CELF2: variants seen among roughly 807,000 people sequenced by gnomAD.
CELF2 encodes the protein CUG triplet repeat RNA-binding protein 2.
CELF2 carries 8 observed loss-of-function variants against 62.6 expected under a neutral mutation model. The observed-to-expected ratio is 0.13, with a 90% confidence interval of 0.07 to 0.23. The LOEUF (loss-of-function observed/expected upper bound fraction) is 0.23. CELF2 is among the 10% of genes least tolerant of loss of function. CELF2 has a pLI of 1.00. For synonymous variants in CELF2, 258 were observed against 250.0 expected, an observed-to-expected ratio of 1.03 and a Z score of -0.30; for missense variants, 333 against 671.0, an observed-to-expected ratio of 0.50 and a Z score of 5.56.
At chr10:11,053,470 G>A (rs1454355104) in intron 1 of CELF2, among the ~76,000 whole-genome samples, 1 of 151,912 alleles carries the variant, frequency 6.6e-6, no homozygotes, top group African/African-American at 2.4e-5. Flanking sequence ...GGATTAGGGG[G>A]AAATACTTTT....
intron 2 of CELF2, among the ~76,000 whole-genome samples, chr10:10,920,935 C>T (rs900528063): frequency 6.6e-6 from 1 of 151,978 alleles, no homozygotes; most frequent in African/African-American, 2.4e-5. Context: ...AAGGATTGTG[C>T]CTTTGTTTTG....
intron 3 of CELF2, among the ~76,000 whole-genome samples, chr10:11,230,159 C>T (rs2068110959): frequency 6.6e-6 from 1 of 152,178 alleles, no homozygotes; most frequent in Non-Finnish European, 1.5e-5. Context: ...CCAGGACCTG[C>T]ATTTGAACTA....
intron 1 of CELF2, among the ~76,000 whole-genome samples, chr10:11,020,415 T>G (rs1163302978): frequency 6.6e-6 from 1 of 152,142 alleles, no homozygotes; most frequent in Non-Finnish European, 1.5e-5. Context: ...ATACTGTATC[T>G]GGGGATAGAG....
the CELF2 span, among the ~76,000 whole-genome samples, chr10:10,541,221 C>G: frequency 8.1e-6 from 1 of 123,946 alleles, no homozygotes; most frequent in African/African-American, 3.1e-5. Context: ...CCAGGCTGGG[C>G]GACAGAATGA....
chr10:10,916,948 T>TA (rs1360398730), intron 1 of CELF2, among the ~76,000 whole-genome samples: 1 of 151,348 alleles, frequency 6.6e-6, no homozygotes, highest in Admixed American at 6.6e-5. Context: ...TTTTTTTTTT[T>TA]AAGGAAAAAG....
chr10:11,059,113 C>T (rs937793515), intron 1 of CELF2, among the ~76,000 whole-genome samples: 1 of 152,162 alleles, frequency 6.6e-6, no homozygotes, highest in Non-Finnish European at 1.5e-5. Flanking sequence ...AAGGAACAGA[C>T]ATGGTTAACA....
the CELF2 span, among the ~76,000 whole-genome samples, chr10:10,723,557 T>C: frequency 1.4e-4 from 22 of 152,228 alleles, no homozygotes; most frequent in Non-Finnish European, 2.9e-4. Context: ...TGAATCCATT[T>C]TTTGAATCTT....
chr10:10,808,083 G>C (rs976790011), intron 1 of CELF2, among the ~76,000 whole-genome samples: 1 of 152,166 alleles, frequency 6.6e-6, no homozygotes, highest in African/African-American at 2.4e-5. Flanking sequence ...CATGGTTAAA[G>C]ATCTGATGGG....
At chr10:10,480,393 G>A in the CELF2 span, among the ~76,000 whole-genome samples, 1 of 152,050 alleles carries the variant, frequency 6.6e-6, no homozygotes, top group Admixed American at 6.5e-5. Context: ...TCTTTTCTCT[G>A]CACGCAGCTA....
intron 2 of CELF2, chr10:10,946,493 T>C (rs943348881): frequency 2.0e-5 from 3 of 152,644 alleles, no homozygotes; most frequent in South Asian, 2.1e-4. Flanking sequence ...AAAAATGTAC[T>C]GTATATGATA....
intron 1 of CELF2, among the ~76,000 whole-genome samples, chr10:11,114,692 A>C (rs1404027456): frequency 3.3e-5 from 5 of 152,240 alleles, no homozygotes; most frequent in Non-Finnish European, 1.5e-5. Context: ...GGTTGGCCAC[A>C]GCACTTTAGT....
intron 8 of CELF2, among the ~76,000 whole-genome samples, chr10:11,276,822 A>G (rs964614845): frequency 2.0e-5 from 3 of 152,250 alleles, no homozygotes; most frequent in Non-Finnish European, 4.4e-5. Context: ...CGCACCAGCC[A>G]CAGGTCAGGA....
the CELF2 span, among the ~76,000 whole-genome samples, chr10:10,711,581 C>A: frequency 3.9e-5 from 6 of 152,108 alleles, no homozygotes; most frequent in Non-Finnish European, 7.3e-5. Flanking sequence ...CCACATGCAC[C>A]ATGAAAATAG....
the CELF2 span, among the ~76,000 whole-genome samples, chr10:10,563,998 T>A: frequency 1.3e-5 from 2 of 152,236 alleles, no homozygotes; most frequent in Non-Finnish European, 2.9e-5. Context: ...ATGCTATGCA[T>A]CTTCGGTGTT....
rs147468779 is a variant in CELF2 at position 11,031,764 on chromosome 10, C to A, written c.74+13601C>A. On this transcript the variant is annotated intron_variant, in intron 1 of 12. Coordinates refer to ENST00000633077, the MANE Select transcript of CELF2 (RefSeq NM_001326342.2). The stretch of plus-strand genomic sequence containing the variant: ...CCAAAGAATGGAATGTATATTCACT[C>A]CACCCTCATTATAAGGCTTTCAGAA... Among the ~76,000 whole-genome samples the A allele has an allele frequency of 5.9e-4, 90 of 152,268 alleles. 1 individual carries two copies. Among genetic ancestry groups the A allele is most frequent in the Non-Finnish European group, 1.1e-3 (76 of 68,018 alleles).
At chr10:10,547,023 C>T in the CELF2 span, among the ~76,000 whole-genome samples, 2 of 152,128 alleles carry the variant, frequency 1.3e-5, no homozygotes, top group African/African-American at 4.8e-5. Flanking sequence ...AGGAGAATCG[C>T]TTGAACCTGG....
the CELF2 span, among the ~76,000 whole-genome samples, chr10:10,576,633 T>C: frequency 6.6e-6 from 1 of 152,314 alleles, no homozygotes; most frequent in South Asian, 2.1e-4. Context: ...GCTATTTTTC[T>C]TATTTCAAAT....
At chr10:10,959,365 G>A (rs2049239413) in intron 2 of CELF2, among the ~76,000 whole-genome samples, 1 of 152,212 alleles carries the variant, frequency 6.6e-6, no homozygotes, top group Admixed American at 6.5e-5. Context: ...AGTTATCAAA[G>A]TAAGGAAGAC....
At chr10:10,493,783 C>T in the CELF2 span, among the ~76,000 whole-genome samples, 19 of 152,234 alleles carry the variant, frequency 1.2e-4, no homozygotes, top group East Asian at 1.9e-4. Flanking sequence ...CCACCCGCCT[C>T]GGCCTCCCAA....
Sources: allele counts gnomAD v4.1 joint callset (sites outside exome capture counted in the v4.1 genomes callset), GRCh38; gene constraint gnomAD v4.1.1; transcripts MANE v1.5; gene names NCBI Gene and HGNC (gene_info 2026-07-23, HGNC 2026-07-21).